Variants in PRKAR2B observed in about 807,000 individuals in gnomAD.
PRKAR2B encodes cAMP-dependent protein kinase type II-beta regulatory subunit.
In PRKAR2B, 14 loss-of-function variants were observed where a neutral mutation model predicts 49.9. That is an observed-to-expected ratio of 0.28 (90% confidence interval 0.19 to 0.44). PRKAR2B has a LOEUF of 0.44. Ranked by LOEUF, PRKAR2B falls within the 20% of genes least tolerant of loss-of-function variation. The pLI, the probability that PRKAR2B is intolerant of heterozygous loss-of-function variation, is 1.00. For synonymous variants in PRKAR2B, 196 were observed against 197.7 expected (o/e 0.99, Z 0.07); for missense variants, 393 against 537.9 (o/e 0.73, Z 2.67).
chr7:107,140,776 T>C, intron 4 of PRKAR2B, 71 bp from the exon 5 acceptor site: 5 of 1,102,458 alleles, frequency 4.5e-6, no homozygotes, highest in Non-Finnish European at 6.6e-6. Flanking sequence ...CACAGAAATA[T>C]AACTGTGGTT....
chr7:107,136,832 C>T (rs1825140905), intron 4 of PRKAR2B, among the ~76,000 whole-genome samples: 1 of 152,200 alleles, frequency 6.6e-6, no homozygotes, highest in Non-Finnish European at 1.5e-5. Flanking sequence ...GAGTTGAAAA[C>T]TTAGGTCCAC....
At chr7:107,066,931 A>G (rs1009554256) in intron 1 of PRKAR2B, 5 of 152,208 alleles carry the variant, frequency 3.3e-5, no homozygotes. Flanking sequence ...TTTACTCTCC[A>G]TATATCACAA....
At chr7:107,108,219 C>T (rs982774523) in intron 2 of PRKAR2B, among the ~76,000 whole-genome samples, 7 of 152,182 alleles carry the variant, frequency 4.6e-5, no homozygotes, top group African/African-American at 1.7e-4. Context: ...CAACGTGACT[C>T]TGGCATCCCA....
At chr7:107,059,927 G>A (rs1406995844) in intron 1 of PRKAR2B, among the ~76,000 whole-genome samples, 6 of 152,010 alleles carry the variant, frequency 3.9e-5, no homozygotes. Context: ...GGTATATGAT[G>A]TATGATATTG....
chr7:107,050,757 A>G (rs1253477011), intron 1 of PRKAR2B, among the ~76,000 whole-genome samples: 2 of 152,204 alleles, frequency 1.3e-5, no homozygotes, highest in East Asian at 1.9e-4. Context: ...GGGATGGCCT[A>G]TTAGAAACAA....
At chr7:107,095,730 T>G (rs933332933) in intron 2 of PRKAR2B, among the ~76,000 whole-genome samples, 2 of 152,210 alleles carry the variant, frequency 1.3e-5, no homozygotes, top group African/African-American at 4.8e-5. Flanking sequence ...TAAATTTTGT[T>G]GAAGGCTTTT....
rs554193612 is a variant in PRKAR2B at position 107,048,842 on chromosome 7, A to G, written c.307+3628A>G. ...AATTGTTACTTTCCATTTGCTATCA[A>G]TTCTGGTCGAAAGAGCAAGCTTTAG... On this transcript the variant is annotated intron_variant, in intron 1 of 10. Transcript: ENST00000265717. Among the ~76,000 whole-genome samples, 6 of 152,242 alleles carry G rather than the reference A, an allele frequency of 3.9e-5. No homozygotes were observed. In the East Asian group the frequency reaches 1.2e-3, roughly 29 times the overall value.
intron 2 of PRKAR2B, among the ~76,000 whole-genome samples, chr7:107,072,321 A>G (rs1202896323): frequency 1.3e-5 from 2 of 152,032 alleles, no homozygotes; most frequent in Admixed American, 1.3e-4. Flanking sequence ...TCCCAATAAT[A>G]TAATATGCTG....
intron 2 of PRKAR2B, among the ~76,000 whole-genome samples, chr7:107,114,271 G>GA (rs141219835): frequency 0.11 from 16,952 of 148,368 alleles, 1,108 homozygotes; most frequent in Middle Eastern, 0.17. Context: ...CATTTTTGAA[G>GA]AAAAAAAAAT....
At chr7:107,092,636 A>C (rs1198691008) in intron 2 of PRKAR2B, among the ~76,000 whole-genome samples, 1 of 152,166 alleles carries the variant, frequency 6.6e-6, no homozygotes. Context: ...AGAAGAGCAA[A>C]AATTTATGTT....
At chr7:107,124,124 CAG>C (rs1246502272) in intron 3 of PRKAR2B, among the ~76,000 whole-genome samples, 9 of 152,118 alleles carry the variant, frequency 5.9e-5, no homozygotes, top group Non-Finnish European at 1.3e-4. Context: ...GTAGTATAAA[CAG>C]AAATTTATCG....
At chr7:107,116,172 C>CT (rs1214050135) in intron 2 of PRKAR2B, among the ~76,000 whole-genome samples, 2 of 152,144 alleles carry the variant, frequency 1.3e-5, no homozygotes, top group African/African-American at 4.8e-5. Flanking sequence ...CCATTTATTT[C>CT]TTCGGTCATT....
intron 3 of PRKAR2B, among the ~76,000 whole-genome samples, chr7:107,123,484 C>T (rs1007093753): frequency 1.3e-5 from 2 of 152,196 alleles, no homozygotes; most frequent in Admixed American, 6.5e-5. Context: ...CTGCAGAAAG[C>T]GTTCAAAGGC....
At position 107,161,789 on chromosome 7, in the gene PRKAR2B, T is replaced by G. The variant is rs1440861139; in HGVS notation, c.*2207T>G. On this transcript the variant is annotated 3_prime_UTR_variant, in exon 11 of 11. Transcript: ENST00000265717. ...CTAGGAATTTATGTGTAAAATTATC[T>G]GATTAAAACAGCTCAAGTTTGACTT... 1 of 152,234 alleles carries G rather than the reference T, an allele frequency of 6.6e-6. No homozygotes were observed. The highest frequency in any genetic ancestry group is 1.5e-5 in the Non-Finnish European group (1 of 68,052). The allele number at this position is 152,234 out of a possible 1,614,324, so 9.4% of individuals were successfully genotyped here. A position where few individuals can be genotyped will look rare whatever the true frequency, so the allele number is the denominator to read the frequency against.
intron 10 of PRKAR2B, among the ~76,000 whole-genome samples, chr7:107,158,880 TAAATCCAGTTTTA>T (rs1432445580): frequency 2.6e-5 from 4 of 152,334 alleles, no homozygotes; most frequent in Admixed American, 2.6e-4. Flanking sequence ...TTATATATTA[TAAATCCAGTTTTA>T]AAATCCAGGA....
intron 2 of PRKAR2B, among the ~76,000 whole-genome samples, chr7:107,104,249 G>A (rs1316114439): frequency 6.6e-6 from 1 of 152,060 alleles, no homozygotes; most frequent in Non-Finnish European, 1.5e-5. Flanking sequence ...TGTCCAGGCT[G>A]GCCTCGAACT....
intron 2 of PRKAR2B, among the ~76,000 whole-genome samples, chr7:107,102,818 C>T (rs573339596): frequency 6.6e-6 from 1 of 151,934 alleles, no homozygotes; most frequent in African/African-American, 2.4e-5. Context: ...TTACAGGCGC[C>T]CGCCACCATG....
Position 107,141,472 on chromosome 7 carries a change from C to T in PRKAR2B, c.587+519C>T, listed in dbSNP as rs963405392. On this transcript the variant is annotated intron_variant, in intron 5 of 10. Coordinates refer to ENST00000265717, the MANE Select transcript of PRKAR2B (RefSeq NM_002736.3). ...TTGGGAAGCCGAGGCCAGTGGATCA[C>T]TTGAGGTCAGGAGTTCAAGACCAGC... Among the ~76,000 whole-genome samples the T allele has an allele frequency of 1.8e-4, 27 of 152,172 alleles. 1 individual carries two copies. The highest frequency in any genetic ancestry group is 6.5e-4 in the African/African-American group (27 of 41,442).
At chr7:107,142,025 G>T (rs1162705232) in intron 5 of PRKAR2B, among the ~76,000 whole-genome samples, 4 of 152,076 alleles carry the variant, frequency 2.6e-5, no homozygotes, top group Non-Finnish European at 5.9e-5. Flanking sequence ...CTTCACTTTT[G>T]TAAAACAATG....
Sources: allele counts gnomAD v4.1 joint callset (sites outside exome capture counted in the v4.1 genomes callset), GRCh38; gene constraint gnomAD v4.1.1; transcripts MANE v1.5; gene names NCBI Gene and HGNC (gene_info 2026-07-23, HGNC 2026-07-21).